The following SRPK2 variants were observed in gnomAD, a reference collection of about 807,000 sequenced individuals.
SRPK2 encodes the protein SFRS protein kinase 2.
Under a neutral mutation model 90.8 loss-of-function variants are expected in SRPK2, and 21 were observed. That is an observed-to-expected ratio of 0.23 (90% CI 0.16 to 0.33). The LOEUF (loss-of-function observed/expected upper bound fraction) is 0.33, where lower values mean the gene tolerates loss of function less well. Among genes scored for constraint, SRPK2 ranks in the 10% least tolerant of loss-of-function variants. SRPK2 has a pLI of 1.00. For missense variants in SRPK2, 620 were observed against 869.0 expected, an observed-to-expected ratio of 0.71 and a Z score of 3.60; for synonymous variants, 288 against 311.1, an observed-to-expected ratio of 0.93 and a Z score of 0.78.
intron 2 of SRPK2, among the ~76,000 whole-genome samples, chr7:105,341,357 CAAAAAAA>C (rs746893526): frequency 1.5e-5 from 1 of 66,772 alleles, no homozygotes; most frequent in Non-Finnish European, 2.8e-5. Context: ...GACTCCGTCT[CAAAAAAA>C]AAAAAAAAAA....
intron 3 of SRPK2, among the ~76,000 whole-genome samples, chr7:105,201,299 G>C (rs1031491068): frequency 6.6e-6 from 1 of 152,084 alleles, no homozygotes; most frequent in Non-Finnish European, 1.5e-5. Context: ...AATTTGGGGG[G>C]GGCTGGCACG....
At chr7:105,394,923 C>A (rs1822279888) in intron 1 of SRPK2, among the ~76,000 whole-genome samples, 1 of 152,154 alleles carries the variant, frequency 6.6e-6, no homozygotes, top group Non-Finnish European at 1.5e-5. Flanking sequence ...GTAATCCCAG[C>A]CCTTTGGGAG....
chr7:105,245,005 C>G (rs559634199), intron 2 of SRPK2: 7 of 859,774 alleles, frequency 8.1e-6, no homozygotes, highest in Non-Finnish European at 9.4e-6. Flanking sequence ...AAATAAAGAA[C>G]AGCTTGAGAG....
At position 105,388,854 on chromosome 7, in the gene SRPK2, G is replaced by A. The variant is rs746558369; in HGVS notation, c.-48C>T. On this transcript the variant is annotated 5_prime_UTR_variant, in exon 1 of 16. Coordinates refer to ENST00000393651, the MANE Select transcript of SRPK2 (RefSeq NM_182692.3). ...GGGGGGCTTCGCGACGGCGACGCGG[G>A]CGCCGAGACGAGCTGGGCTGCAGCC... 4.2e-5 allele frequency: 55 copies of A among 1,312,902 alleles called. No homozygotes were observed. Among genetic ancestry groups the A allele is most frequent in the Non-Finnish European group, 5.0e-5 (52 of 1,036,966 alleles). 81.3% of individuals were successfully genotyped at this position (1,312,902 alleles called of 1,614,324 possible). A position where few individuals can be genotyped will look rare whatever the true frequency, so the allele number is the denominator to read the frequency against.
chr7:105,321,797 T>A (rs989072750), intron 2 of SRPK2, among the ~76,000 whole-genome samples: 3 of 152,098 alleles, frequency 2.0e-5, no homozygotes, highest in Non-Finnish European at 4.4e-5. Flanking sequence ...CAACAACAAC[T>A]AACAAGTACT....
chr7:105,303,316 G>A (rs781591585), intron 2 of SRPK2, among the ~76,000 whole-genome samples: 1 of 152,066 alleles, frequency 6.6e-6, no homozygotes, highest in Non-Finnish European at 1.5e-5. Context: ...GCCTGTCGTG[G>A]GGTGGGAGCT....
chr7:105,363,656 G>C (rs1226428129), intron 2 of SRPK2, among the ~76,000 whole-genome samples: 1 of 152,148 alleles, frequency 6.6e-6, no homozygotes, highest in Non-Finnish European at 1.5e-5. Context: ...AATACCATTT[G>C]ACCCAGCCAT....
intron 7 of SRPK2, among the ~76,000 whole-genome samples, chr7:105,159,464 A>AACAAAAAAAAAAAAAAAAAAAAAAAAC (rs1807164043): frequency 7.1e-6 from 1 of 141,598 alleles, no homozygotes; most frequent in African/African-American, 2.9e-5. Flanking sequence ...AAAAAAAAAA[A>AACAAAAAAAAAAAAAAAAAAAAAAAAC]AAAAAAAAAC....
At chr7:105,168,744 A>AGTGTGTGTGTGTGT (rs1165915539) in intron 4 of SRPK2, among the ~76,000 whole-genome samples, 1 of 25,410 alleles carries the variant, frequency 3.9e-5, no homozygotes, top group African/African-American at 9.3e-5. Context: ...ACACGCACCA[A>AGTGTGTGTGTGTGT]ATGTGTGTGT....
At position 105,142,126 on chromosome 7, in the gene SRPK2, A is replaced by G; in HGVS notation, c.1425T>C (p.Pro475=). The change falls in exon 11 of 16, where the codon CCT becomes CCC. Residue 475 remains proline, a synonymous_variant. Transcript: ENST00000393651. The stretch of plus-strand genomic sequence containing the variant: ...CAGAAAGCACAGAGCCGCAGGCCAC[A>G]GGTTCTAAGGATCCAGAGAACAACG... ...STSLFSGSLE[P]VACGSVLSEG... is the part of the protein sequence containing the mutation. 6 of 1,614,222 alleles carry G rather than the reference A, an allele frequency of 3.7e-6. No individual in the cohort carries two copies. The highest frequency in any genetic ancestry group is 4.2e-6 in the Non-Finnish European group (5 of 1,180,028).
chr7:105,374,263 A>G (rs1820044323), intron 2 of SRPK2, among the ~76,000 whole-genome samples: 1 of 152,150 alleles, frequency 6.6e-6, no homozygotes, highest in South Asian at 2.1e-4. Context: ...ATTAAGTATA[A>G]CAGTCTAAGT....
chr7:105,348,308 T>C (rs1005591973), intron 2 of SRPK2, among the ~76,000 whole-genome samples: 1 of 151,982 alleles, frequency 6.6e-6, no homozygotes. Flanking sequence ...TGACATCAGG[T>C]GATCCACCCA....
chr7:105,324,843 C>A (rs527783177), intron 2 of SRPK2, among the ~76,000 whole-genome samples: 5 of 152,136 alleles, frequency 3.3e-5, no homozygotes, highest in African/African-American at 1.2e-4. Context: ...GTCAAGATTG[C>A]GCCACTGCAC....
chr7:105,375,269 T>C (rs1160023453), intron 2 of SRPK2, among the ~76,000 whole-genome samples: 2 of 152,134 alleles, frequency 1.3e-5, no homozygotes, highest in African/African-American at 2.4e-5. Context: ...AATACTGAGA[T>C]AGGGACTTGA....
chr7:105,244,588 A>T (rs1180256650), intron 2 of SRPK2: 2 of 629,908 alleles, frequency 3.2e-6, no homozygotes, highest in East Asian at 2.8e-5. Context: ...ACAATAAAAA[A>T]ATCCCAGAGT....
intron 2 of SRPK2, among the ~76,000 whole-genome samples, chr7:105,317,197 A>T (rs1399955664): frequency 2.0e-5 from 3 of 152,252 alleles, no homozygotes; most frequent in Non-Finnish European, 2.9e-5. Context: ...CGACATAAAA[A>T]GAATGGTGGA....
intron 2 of SRPK2, among the ~76,000 whole-genome samples, chr7:105,214,275 G>T (rs529362103): frequency 7.9e-5 from 12 of 152,166 alleles, no homozygotes; most frequent in African/African-American, 2.7e-4. Context: ...TTTTTAATAA[G>T]TAGTAAGGTT....
intron 1 of SRPK2, among the ~76,000 whole-genome samples, chr7:105,396,865 G>A (rs1433243668): frequency 1.4e-5 from 2 of 143,006 alleles, no homozygotes; most frequent in African/African-American, 3.0e-5. Flanking sequence ...AGGAAGGGAG[G>A]AAGGAAGGAA....
chr7:105,238,088 G>T (rs554308998), intron 2 of SRPK2, among the ~76,000 whole-genome samples: 6 of 152,170 alleles, frequency 3.9e-5, no homozygotes, highest in Non-Finnish European at 8.8e-5. Context: ...AAGCTTCTAA[G>T]TAAAGGCTGA....
Sources: gnomAD v4.1 joint callset for allele counts (sites outside exome capture counted in the v4.1 genomes callset) on GRCh38, gnomAD v4.1.1 for gene constraint, MANE v1.5 for transcripts, NCBI Gene and HGNC (gene_info 2026-07-23, HGNC 2026-07-21) for gene names.